Variants in GTF2E2 observed in about 807,000 individuals in gnomAD.
GTF2E2 encodes transcription initiation factor IIE subunit beta.
In GTF2E2, 21 loss-of-function variants were observed where a neutral mutation model predicts 40.5. That is an observed-to-expected ratio of 0.52 (90% CI 0.37 to 0.75). GTF2E2 has a LOEUF of 0.75. GTF2E2 is among the 30% of genes least tolerant of loss of function. The probability of loss-of-function intolerance (pLI) is 0.00; values close to 1 mark genes in which losing one functional copy is unlikely to be tolerated. For synonymous variants in GTF2E2, 117 were observed against 121.6 expected, an observed-to-expected ratio of 0.96 and a Z score of 0.25; for missense variants, 298 against 338.4, an observed-to-expected ratio of 0.88 and a Z score of 0.94.
intron 6 of GTF2E2, among the ~76,000 whole-genome samples, chr8:30,601,130 G>A (rs965806720): frequency 1.3e-5 from 2 of 152,146 alleles, no homozygotes; most frequent in Non-Finnish European, 2.9e-5. Flanking sequence ...CCTTACCCAA[G>A]GTTCCTGTAA....
At chr8:30,625,369 TCA>T (rs1801240943) in intron 3 of GTF2E2, among the ~76,000 whole-genome samples, 2 of 152,238 alleles carry the variant, frequency 1.3e-5, no homozygotes, top group South Asian at 2.1e-4. Context: ...ATCTAGGTTT[TCA>T]CAGTTACCCT....
At chr8:30,602,738 G>C (rs1262770815) in intron 6 of GTF2E2, among the ~76,000 whole-genome samples, 1 of 139,062 alleles carries the variant, frequency 7.2e-6, no homozygotes, top group Non-Finnish European at 1.5e-5. Flanking sequence ...TGGGCAACAA[G>C]AGCGAAACTC....
intron 6 of GTF2E2, among the ~76,000 whole-genome samples, chr8:30,600,998 C>T (rs1008802239): frequency 7.2e-5 from 11 of 152,282 alleles, no homozygotes; most frequent in East Asian, 5.8e-4. Flanking sequence ...AAAACGTGTC[C>T]GTTTTCAATG....
intron 2 of GTF2E2, among the ~76,000 whole-genome samples, chr8:30,650,629 G>C (rs1002749719): frequency 1.4e-4 from 21 of 151,914 alleles, no homozygotes; most frequent in African/African-American, 4.8e-4. Flanking sequence ...GGGGAGTTTC[G>C]AGGCTGCAGT....
At chr8:30,634,837 T>C (rs974429604) in intron 3 of GTF2E2, among the ~76,000 whole-genome samples, 195 bp downstream of exon 3, 1 of 152,240 alleles carries the variant, frequency 6.6e-6, no homozygotes, top group Non-Finnish European at 1.5e-5. Flanking sequence ...TATGCTTTGG[T>C]AACTCGCCAC....
intron 6 of GTF2E2, among the ~76,000 whole-genome samples, chr8:30,585,961 A>G (rs1044551408): frequency 2.6e-5 from 4 of 152,024 alleles, no homozygotes; most frequent in Non-Finnish European, 5.9e-5. Flanking sequence ...GTTCACTTGT[A>G]GTCCCAGCTA....
At chr8:30,649,234 T>C (rs1478637428) in intron 2 of GTF2E2, among the ~76,000 whole-genome samples, 4 of 152,080 alleles carry the variant, frequency 2.6e-5, no homozygotes, top group Admixed American at 2.6e-4. Context: ...TTGTAGGATG[T>C]GTAAAAAATT....
chr8:30,641,249 T>G (rs746493008), intron 2 of GTF2E2, among the ~76,000 whole-genome samples: 44 of 152,212 alleles, frequency 2.9e-4, no homozygotes, highest in Non-Finnish European at 8.8e-5. Context: ...ATTTACAACA[T>G]AAACCTGACC....
chr8:30,650,332 G>C (rs1035573381), intron 2 of GTF2E2, among the ~76,000 whole-genome samples: 9 of 152,094 alleles, frequency 5.9e-5, no homozygotes, highest in South Asian at 4.1e-4. Flanking sequence ...ACTAAAGAGT[G>C]AGAACATGCT....
chr8:30,583,104 A>G (rs1305555241), intron 6 of GTF2E2, among the ~76,000 whole-genome samples: 1 of 151,996 alleles, frequency 6.6e-6, no homozygotes, highest in African/African-American at 2.4e-5. Flanking sequence ...GAGGCCGAGG[A>G]GGGTGGATCA....
At chr8:30,593,887 A>AT (rs1244170230) in intron 6 of GTF2E2, among the ~76,000 whole-genome samples, 2 of 152,140 alleles carry the variant, frequency 1.3e-5, no homozygotes, top group East Asian at 3.9e-4. Context: ...ACAGTATATC[A>AT]TTTTACATGC....
intron 5 of GTF2E2, 75 bp downstream of exon 5, chr8:30,612,224 G>A (rs1829495300): frequency 3.2e-6 from 3 of 940,472 alleles, no homozygotes; most frequent in East Asian, 2.5e-5. Context: ...ATTGTAAAAT[G>A]TTTGATATTT....
At chr8:30,595,693 G>A (rs373528237) in intron 6 of GTF2E2, among the ~76,000 whole-genome samples, 1 of 152,132 alleles carries the variant, frequency 6.6e-6, no homozygotes, top group Non-Finnish European at 1.5e-5. Context: ...TTAGCTAGAT[G>A]TAGTGGCATG....
chr8:30,641,529 A>C (rs1460807080), intron 2 of GTF2E2, among the ~76,000 whole-genome samples: 1 of 152,026 alleles, frequency 6.6e-6, no homozygotes, highest in Non-Finnish European at 1.5e-5. Flanking sequence ...TGCCCAGCTA[A>C]TTTTTATTTT....
intron 2 of GTF2E2, chr8:30,637,185 G>C (rs902515468): frequency 1.5e-5 from 7 of 454,674 alleles, no homozygotes; most frequent in Non-Finnish European, 3.1e-5. Flanking sequence ...TTTTGTCAAA[G>C]TACAGAAATC....
rs369313209 is a variant in GTF2E2 at position 30,614,744 on chromosome 8, G to A, written c.259-29C>T. On this transcript the variant is annotated intron_variant, in intron 3 of 7. Coordinates refer to ENST00000355904, the MANE Select transcript of GTF2E2 (RefSeq NM_002095.6). Reference sequence around the variant, plus strand: ...TCAAGTGAAGAAATTGTTATTAGAAGACAGTTTCAAAATGCTAGATGCATT... The same window carrying A: ...TCAAGTGAAGAAATTGTTATTAGAAAACAGTTTCAAAATGCTAGATGCATT... 7 of 1,309,426 alleles carry A rather than the reference G, an allele frequency of 5.3e-6. No individual in the cohort carries two copies. In the South Asian group the frequency reaches 6.1e-5, roughly 11 times the overall value. The allele number at this position is 1,309,426 out of a possible 1,614,324, so 81.1% of individuals were successfully genotyped here. A position where few individuals can be genotyped will look rare whatever the true frequency, so the allele number is the denominator to read the frequency against.
At chr8:30,620,744 C>T (rs1801070117) in intron 3 of GTF2E2, among the ~76,000 whole-genome samples, 1 of 148,886 alleles carries the variant, frequency 6.7e-6, no homozygotes, top group South Asian at 2.1e-4. Context: ...GCCTGGCCAA[C>T]ATGATGAAAC....
In GTF2E2 at chr8:30,578,348, T is replaced by G. The variant is rs960190399; in HGVS notation, c.*573A>C. 1.3e-5 allele frequency: 2 copies of G among 152,270 alleles called. No individual in the cohort carries two copies. The highest frequency in any genetic ancestry group is 2.9e-5 in the Non-Finnish European group (2 of 68,100). 9.4% of individuals were successfully genotyped at this position (152,270 alleles called of 1,614,324 possible). A position where few individuals can be genotyped will look rare whatever the true frequency, so the allele number is the denominator to read the frequency against. On this transcript the variant is annotated 3_prime_UTR_variant, in exon 8 of 8. Coordinates refer to ENST00000355904, the MANE Select transcript of GTF2E2 (RefSeq NM_002095.6). ...TCCAGCACATCTTTATTGCTCTGCT[T>G]GCTAACAAGCAGCACACCTGTGTTC...
chr8:30,641,122 GT>G (rs1470319233), intron 2 of GTF2E2, among the ~76,000 whole-genome samples: 6 of 152,208 alleles, frequency 3.9e-5, no homozygotes, highest in Non-Finnish European at 8.8e-5. Context: ...TAAATTTAAG[GT>G]GGAAAATGAC....
Sources: gnomAD v4.1 joint callset for allele counts (sites outside exome capture counted in the v4.1 genomes callset) on GRCh38, gnomAD v4.1.1 for gene constraint, MANE v1.5 for transcripts, NCBI Gene and HGNC (gene_info 2026-07-23, HGNC 2026-07-21) for gene names.